Variants in MRRF observed in about 807,000 individuals in gnomAD.
MRRF encodes the protein mitochondrial ribosome recycling factor.
MRRF carries 18 observed loss-of-function variants against 25.1 expected under a neutral mutation model. That is an observed-to-expected ratio of 0.72 (90% confidence interval 0.50 to 1.06). MRRF has a LOEUF of 1.06. MRRF is among the 50% of genes least tolerant of loss of function. MRRF has a pLI of 0.00. For synonymous variants in MRRF, 113 were observed against 112.1 expected (o/e 1.01, Z -0.05); for missense variants, 323 against 319.3 (o/e 1.01, Z -0.09).
rs190498509 is a variant in MRRF at position 122,316,607 on chromosome 9, T to G, written c.711+3221T>G. Among the ~76,000 whole-genome samples, 164 of 151,102 alleles carry G rather than the reference T, an allele frequency of 1.1e-3. 1 individual carries two copies. Among genetic ancestry groups the G allele is most frequent in the African/African-American group, 3.6e-3 (150 of 41,334 alleles). ...GAAGGCCCCAGACTGGAATTTTTGG[T>G]GTGTGTGTGTGTGTACGTGTGCGTG... On this transcript the variant is annotated intron_variant, in intron 6 of 6. Coordinates refer to ENST00000344641, the MANE Select transcript of MRRF (RefSeq NM_138777.5).
chr9:122,284,718 G>A (rs1833277505), intron 3 of MRRF, among the ~76,000 whole-genome samples: 1 of 152,224 alleles, frequency 6.6e-6, no homozygotes, highest in Non-Finnish European at 1.5e-5. Context: ...CGATACTGCT[G>A]TTCCTGTGAA....
chr9:122,312,310 G>T (rs1383915997), intron 5 of MRRF, among the ~76,000 whole-genome samples: 1 of 152,172 alleles, frequency 6.6e-6, no homozygotes, highest in Non-Finnish European at 1.5e-5. Context: ...TTTAATAATA[G>T]TAGTAATTAG....
In MRRF at chr9:122,327,871, T is replaced by C. The variant is rs891287080; in HGVS notation, c.*5254T>C. 9.4e-5 allele frequency: 14 copies of C among 149,484 alleles called. No homozygotes were observed. Among genetic ancestry groups the C allele is most frequent in the Admixed American group, 2.7e-4 (4 of 14,994 alleles). 9.3% of individuals were successfully genotyped at this position (149,484 alleles called of 1,614,324 possible). On this transcript the variant is annotated 3_prime_UTR_variant, in exon 7 of 7. Transcript: ENST00000344641. ...CAGAATCACTATTTTAGGTGTTTCT[T>C]TTTTTTTTTGGAATTGGGTTTTGTT...
intron 3 of MRRF, among the ~76,000 whole-genome samples, chr9:122,281,489 A>T (rs1189276584): frequency 6.6e-6 from 1 of 152,238 alleles, no homozygotes; most frequent in South Asian, 2.1e-4. Flanking sequence ...CCGAGTTCAG[A>T]GATGAGATCC....
intron 2 of MRRF, among the ~76,000 whole-genome samples, chr9:122,276,742 G>A (rs552930725): frequency 6.6e-6 from 1 of 152,186 alleles, no homozygotes; most frequent in Non-Finnish European, 1.5e-5. Flanking sequence ...TTTCTTGGGT[G>A]TATTGTATTA....
chr9:122,267,278 G>A (rs1300921558), intron 1 of MRRF, among the ~76,000 whole-genome samples: 1 of 151,344 alleles, frequency 6.6e-6, no homozygotes, highest in Non-Finnish European at 1.5e-5. Flanking sequence ...CTACTCAGGA[G>A]GCTGAGGCAG....
chr9:122,323,006 C>T lies in MRRF; in HGVS notation c.*389C>T, dbSNP rs1177976989. 7.0e-6 allele frequency: 2 copies of T among 287,198 alleles called. No homozygotes were observed. The highest frequency in any genetic ancestry group is 4.5e-5 in the Admixed American group (1 of 22,362). The allele number at this position is 287,198 out of a possible 1,614,324, so 17.8% of individuals were successfully genotyped here. On this transcript the variant is annotated 3_prime_UTR_variant, in exon 7 of 7. Transcript: ENST00000344641. ...CTCTGATATTGGCCTTCACCTGTGA[C>T]TGGACACTTTACTAGAGGCCCATTT...
intron 5 of MRRF, among the ~76,000 whole-genome samples, chr9:122,296,602 GT>G (rs759382527): frequency 6.6e-6 from 1 of 152,118 alleles, no homozygotes; most frequent in Non-Finnish European, 1.5e-5. Context: ...CTTTCTTCCT[GT>G]TCCTGTCTCC....
intron 5 of MRRF, among the ~76,000 whole-genome samples, chr9:122,300,356 T>C (rs1834371770): frequency 6.6e-6 from 1 of 152,228 alleles, no homozygotes; most frequent in Non-Finnish European, 1.5e-5. Flanking sequence ...CATACCTTCA[T>C]GCCCACTGCA....
chr9:122,296,884 G>A (rs568321567), intron 5 of MRRF, among the ~76,000 whole-genome samples: 2 of 152,202 alleles, frequency 1.3e-5, no homozygotes, highest in Non-Finnish European at 2.9e-5. Context: ...ATGCTATAAG[G>A]AAACTATGAA....
In MRRF at chr9:122,328,446, G is replaced by A. The variant is rs1836196862; in HGVS notation, c.*5829G>A. 1 of 152,066 alleles carries A rather than the reference G, an allele frequency of 6.6e-6. No individual in the cohort carries two copies. Among genetic ancestry groups the A allele is most frequent in the Non-Finnish European group, 1.5e-5 (1 of 68,028 alleles). The allele number at this position is 152,066 out of a possible 1,614,324, so 9.4% of individuals were successfully genotyped here. On this transcript the variant is annotated 3_prime_UTR_variant, in exon 7 of 7. Transcript: ENST00000344641. ...ATTTATGAATTTATAAATTTGATTA[G>A]GAACATCATGTTAAGTGGAATCATA... is the stretch of plus-strand genomic sequence containing the variant.
chr9:122,283,891 A>C (rs1203023882), intron 3 of MRRF, among the ~76,000 whole-genome samples: 1 of 152,084 alleles, frequency 6.6e-6, no homozygotes, highest in Non-Finnish European at 1.5e-5. Context: ...CATTTTTGAA[A>C]ATTTTTCCCA....
At chr9:122,270,600 G>A (rs189772799) in intron 1 of MRRF, among the ~76,000 whole-genome samples, 11 of 152,342 alleles carry the variant, frequency 7.2e-5, no homozygotes, top group Admixed American at 5.9e-4. Context: ...TTTTGGTGCA[G>A]TGGAAAGAGC....
intron 4 of MRRF, among the ~76,000 whole-genome samples, chr9:122,290,002 C>T (rs755748926): frequency 4.6e-5 from 7 of 150,862 alleles, no homozygotes; most frequent in African/African-American, 1.7e-4. Context: ...TGCAGTGAGC[C>T]GTGATTATGC....
At chr9:122,316,791 A>AT (rs1835558405) in intron 6 of MRRF, among the ~76,000 whole-genome samples, 1 of 151,498 alleles carries the variant, frequency 6.6e-6, no homozygotes, top group Non-Finnish European at 1.5e-5. Context: ...CGCTCTTAAC[A>AT]TTTTGGAATA....
chr9:122,275,086 A>G (rs911644351), intron 2 of MRRF, among the ~76,000 whole-genome samples: 1 of 149,406 alleles, frequency 6.7e-6, no homozygotes, highest in Non-Finnish European at 1.5e-5. Flanking sequence ...TATCTTACAT[A>G]GTTACCTCCT....
At chr9:122,286,398 A>G (rs1588032911) in intron 4 of MRRF, among the ~76,000 whole-genome samples, 1 of 152,302 alleles carries the variant, frequency 6.6e-6, no homozygotes, top group East Asian at 1.9e-4. Context: ...TATAACCAGA[A>G]TGAGTTTTTG....
In MRRF at chr9:122,324,161, T is replaced by C. The variant is rs934980016; in HGVS notation, c.*1544T>C. 1.3e-5 allele frequency: 2 copies of C among 152,176 alleles called. No homozygotes were observed. The highest frequency in any genetic ancestry group is 6.5e-5 in the Admixed American group (1 of 15,284). 9.4% of individuals were successfully genotyped at this position (152,176 alleles called of 1,614,324 possible). A position where few individuals can be genotyped will look rare whatever the true frequency, so the allele number is the denominator to read the frequency against. On this transcript the variant is annotated 3_prime_UTR_variant, in exon 7 of 7. Coordinates refer to ENST00000344641, the MANE Select transcript of MRRF (RefSeq NM_138777.5). ...GGTTGAGGGCTCCATCTCCCAAGACTGCCAACACTTTTGATGCCAGTCATG... is the reference window on the plus strand; with the variant it reads ...GGTTGAGGGCTCCATCTCCCAAGACCGCCAACACTTTTGATGCCAGTCATG...
intron 6 of MRRF, among the ~76,000 whole-genome samples, chr9:122,315,715 G>C (rs143365879): frequency 6.6e-6 from 1 of 151,956 alleles, no homozygotes; most frequent in African/African-American, 2.4e-5. Flanking sequence ...TCTCCTAGGG[G>C]ATTTCTTCAC....
Sources: gnomAD v4.1 joint callset for allele counts (sites outside exome capture counted in the v4.1 genomes callset) on GRCh38, gnomAD v4.1.1 for gene constraint, MANE v1.5 for transcripts, NCBI Gene and HGNC (gene_info 2026-07-23, HGNC 2026-07-21) for gene names.